The following PIGB variants were observed in gnomAD, a reference collection of about 807,000 sequenced individuals.
The protein encoded by PIGB is phosphatidylinositol glycan anchor biosynthesis class B.
In PIGB, 58 loss-of-function variants were observed where a neutral mutation model predicts 68.4. That is an observed-to-expected ratio of 0.85 (90% CI 0.69 to 1.06). PIGB has a LOEUF of 1.06. Ranked by LOEUF, PIGB falls within the 50% of genes least tolerant of loss-of-function variation. PIGB has a pLI of 0.00. For missense variants in PIGB, 634 were observed against 655.8 expected, an observed-to-expected ratio of 0.97 and a Z score of 0.36; for synonymous variants, 219 against 220.5, an observed-to-expected ratio of 0.99 and a Z score of 0.06.
rs28459661 is a variant in PIGB, at chr15:55,329,691, T to C, written c.523-33T>C. On this transcript the variant is annotated intron_variant, in intron 4 of 11. Transcript: ENST00000164305. ...ATGTACTAAGGTTTTCCATTTCCAA[T>C]TTCATATATGTTTGCTCTGTACTTT... is the stretch of plus-strand genomic sequence containing the variant. 0.38 allele frequency: 585,758 copies of C among 1,558,538 alleles called. 122,785 individuals are homozygous for C. Among genetic ancestry groups the C allele is most frequent in the African/African-American group, 0.8 (57,850 of 72,348 alleles).
Position 55,355,517 on chromosome 15 carries a change from G to C in PIGB, c.*85G>C. On this transcript the variant is annotated 3_prime_UTR_variant, in exon 12 of 12. Transcript: ENST00000164305. ...CGGTAAACACTGGGTAAGATTCATG[G>C]AACTTAGAAAAAAGCTGTATGAACT... 1 of 1,129,798 alleles carries C rather than the reference G, an allele frequency of 8.9e-7. No individual in the cohort carries two copies. Among genetic ancestry groups the C allele is most frequent in the Non-Finnish European group, 1.3e-6 (1 of 793,654 alleles). 70.0% of individuals were successfully genotyped at this position (1,129,798 alleles called of 1,614,324 possible). A position where few individuals can be genotyped will look rare whatever the true frequency, so the allele number is the denominator to read the frequency against.
intron 3 of PIGB, among the ~76,000 whole-genome samples, chr15:55,321,646 CTTTTTTTT>C (rs966940527): frequency 1.8e-4 from 12 of 68,348 alleles, no homozygotes; most frequent in Non-Finnish European, 2.8e-4. Flanking sequence ...ATACTTCTTT[CTTTTTTTT>C]TTTTTTTTTT....
intron 9 of PIGB, chr15:55,343,669 A>T (rs1267189959): frequency 1.3e-5 from 2 of 152,162 alleles, no homozygotes; most frequent in African/African-American, 4.8e-5. Flanking sequence ...AATGCTGATG[A>T]GGGGTAAAGA....
At chr15:55,328,674 A>G (rs935021838) in intron 4 of PIGB, among the ~76,000 whole-genome samples, 13 of 152,230 alleles carry the variant, frequency 8.5e-5, no homozygotes, top group Non-Finnish European at 1.8e-4. Context: ...TCCTCCAAAG[A>G]TACAGCACTA....
chr15:55,349,804 T>A, intron 9 of PIGB: 1 of 152,198 alleles, frequency 6.6e-6, no homozygotes, highest in East Asian at 1.9e-4. Context: ...AACTATTATC[T>A]AGTTCTATAA....
intron 3 of PIGB, among the ~76,000 whole-genome samples, chr15:55,325,824 G>GGGGA (rs1379848850): frequency 6.6e-6 from 1 of 152,142 alleles, no homozygotes; most frequent in Non-Finnish European, 1.5e-5. Context: ...GCTGAGGCAG[G>GGGGA]AGAATCGCTT....
At chr15:55,339,463 G>A in intron 7 of PIGB, 145 bp downstream of exon 7, 3 of 597,292 alleles carry the variant, frequency 5.0e-6, no homozygotes, top group East Asian at 2.9e-5. Flanking sequence ...GGTTCAATTT[G>A]TTGTGCTTTC....
intron 2 of PIGB, among the ~76,000 whole-genome samples, chr15:55,320,890 T>C (rs1365723648): frequency 6.6e-6 from 1 of 152,234 alleles, no homozygotes; most frequent in African/African-American, 2.4e-5. Flanking sequence ...ATATTTCTCC[T>C]GTATCTTTCT....
chr15:55,352,926 GTAAT>G (rs2055955726), intron 10 of PIGB, among the ~76,000 whole-genome samples: 3 of 152,256 alleles, frequency 2.0e-5, no homozygotes, highest in Admixed American at 6.5e-5. Flanking sequence ...ATTAATGCCA[GTAAT>G]TAATATACAG....
chr15:55,353,113 G>T (rs1463173188), intron 10 of PIGB, among the ~76,000 whole-genome samples: 1 of 152,188 alleles, frequency 6.6e-6, no homozygotes, highest in Admixed American at 6.5e-5. Flanking sequence ...GATGTACCAA[G>T]ATGTTCTTTA....
chr15:55,329,713 C>G lies in PIGB; in HGVS notation c.523-11C>G. The G allele has an allele frequency of 6.2e-7, 1 of 1,604,458 alleles. No individual in the cohort carries two copies. Among genetic ancestry groups the G allele is most frequent in the South Asian group, 1.1e-5 (1 of 89,912 alleles). ...CAATTTCATATATGTTTGCTCTGTA[C>G]TTTTTCTTAGTTTTTTTGCCAGTTG... On this transcript the variant is annotated splice_polypyrimidine_tract_variant and intron_variant, in intron 4 of 11. Transcript: ENST00000164305.
Position 55,350,830 on chromosome 15 carries a change from CAA to C in PIGB, c.1259_1260del (p.Lys420SerfsTer8). 2 of 1,610,992 alleles carry C rather than the reference CAA, an allele frequency of 1.2e-6. No homozygotes were observed. The highest frequency in any genetic ancestry group is 4.5e-5 in the East Asian group (2 of 44,780). On this transcript the variant is annotated frameshift_variant, in exon 10 of 12. Transcript: ENST00000164305. LOFTEE classifies it high-confidence loss of function. ...TACTCTTGATGTCATGAGTCATATT[CAA>C]AAAGTTTGTTACAACAATCCCAATA... ...RGTLDVMSHI[Q>X]KVCYNNPNKS...
chr15:55,337,424 C>T (rs1410200919), intron 6 of PIGB, among the ~76,000 whole-genome samples: 1 of 152,202 alleles, frequency 6.6e-6, no homozygotes, highest in Non-Finnish European at 1.5e-5. Context: ...AGCATTACTG[C>T]CTGAGCTCCA....
At chr15:55,319,504 T>C in intron 1 of PIGB, 91 bp downstream of exon 1, 3 of 900,472 alleles carry the variant, frequency 3.3e-6, no homozygotes, top group Non-Finnish European at 4.9e-6. Context: ...CGTTGAGCTC[T>C]GTGTTGCCAG....
intron 10 of PIGB, among the ~76,000 whole-genome samples, chr15:55,354,313 A>AG (rs2056015414): frequency 6.6e-6 from 1 of 152,068 alleles, no homozygotes; most frequent in African/African-American, 2.4e-5. Context: ...TTGTCTTCAA[A>AG]AAAAAAAAAC....
chr15:55,344,246 G>A (rs947229558), intron 9 of PIGB, among the ~76,000 whole-genome samples: 3 of 152,248 alleles, frequency 2.0e-5, no homozygotes, highest in African/African-American at 7.2e-5. Context: ...AGATTGGGTA[G>A]ATAGCTCTAT....
In PIGB at chr15:55,346,168, G is replaced by A. The variant is rs540750412; in HGVS notation, c.1123+4366G>A. ...ACGCTAGATATCCAAAATTTTTAAA[G>A]TGTGTATATCAAGCTAAATAATACA... On this transcript the variant is annotated intron_variant, in intron 9 of 11. Transcript: ENST00000164305. Among the ~76,000 whole-genome samples, 50 of 152,316 alleles carry A rather than the reference G, an allele frequency of 3.3e-4. No homozygotes were observed. In the East Asian group the frequency reaches 5.2e-3, roughly 16 times the overall value.
At chr15:55,325,291 A>G (rs2055255491) in intron 3 of PIGB, among the ~76,000 whole-genome samples, 1 of 152,198 alleles carries the variant, frequency 6.6e-6, no homozygotes, top group Non-Finnish European at 1.5e-5. Context: ...GCACCACTGC[A>G]CTCCAGCCTG....
intron 4 of PIGB, among the ~76,000 whole-genome samples, chr15:55,328,133 A>G (rs545127599): frequency 9.8e-5 from 15 of 152,312 alleles, no homozygotes; most frequent in African/African-American, 3.1e-4. Context: ...TGCCACAACA[A>G]TATTAGGTTG....
Sources: gnomAD v4.1 joint callset for allele counts (sites outside exome capture counted in the v4.1 genomes callset) on GRCh38, gnomAD v4.1.1 for gene constraint, MANE v1.5 for transcripts, NCBI Gene and HGNC (gene_info 2026-07-23, HGNC 2026-07-21) for gene names.